The following PDE1A variants were observed in gnomAD, a reference collection of about 807,000 sequenced individuals.
The protein encoded by PDE1A is phosphodiesterase 1A, also known as dual specificity calcium/calmodulin-dependent 3',5'-cyclic nucleotide phosphodiesterase 1A.
In PDE1A, 35 loss-of-function variants were observed where a neutral mutation model predicts 61.7. The observed-to-expected ratio is 0.57, with a 90% CI of 0.43 to 0.75. PDE1A has a LOEUF of 0.75. PDE1A is among the 30% of genes least tolerant of loss of function. The pLI, the probability that PDE1A is intolerant of heterozygous loss-of-function variation, is 0.00. For missense variants in PDE1A, 597 were observed against 630.6 expected (o/e 0.95, Z 0.57); for synonymous variants, 232 against 213.2 (o/e 1.09, Z -0.77).
chr2:182,409,871 C>A (rs1395647680), intron 1 of PDE1A, among the ~76,000 whole-genome samples: 1 of 152,058 alleles, frequency 6.6e-6, no homozygotes, highest in East Asian at 1.9e-4. Flanking sequence ...ACATTTATAT[C>A]ACATAGTTTA....
chr2:182,184,609 A>G (rs1018771994), intron 13 of PDE1A, among the ~76,000 whole-genome samples: 1 of 152,194 alleles, frequency 6.6e-6, no homozygotes, highest in East Asian at 1.9e-4. Flanking sequence ...AAATGATACC[A>G]AATAGTAGCT....
At chr2:182,171,282 T>C (rs944899605) in intron 13 of PDE1A, among the ~76,000 whole-genome samples, 23 of 152,024 alleles carry the variant, frequency 1.5e-4, no homozygotes, top group African/African-American at 5.6e-4. Flanking sequence ...TTTATAGGAA[T>C]TCTAATGAAA....
At chr2:182,629,968 T>C in the PDE1A span, among the ~76,000 whole-genome samples, 4 of 152,184 alleles carry the variant, frequency 2.6e-5, no homozygotes, top group African/African-American at 7.2e-5. Context: ...GTTTAATTTG[T>C]ACTTGCCTGC....
At chr2:182,516,260 G>T (rs575902669) in intron 2 of PDE1A, among the ~76,000 whole-genome samples, 1 of 151,996 alleles carries the variant, frequency 6.6e-6, no homozygotes, top group East Asian at 1.9e-4. Context: ...CCCTTGGCTC[G>T]TGGCCCACTT....
At chr2:182,627,056 AT>A in the PDE1A span, among the ~76,000 whole-genome samples, 1 of 6,424 alleles carries the variant, frequency 1.6e-4, no homozygotes, top group Non-Finnish European at 3.0e-4. Context: ...TATATATAAA[AT>A]ATAATATATT....
the PDE1A span, among the ~76,000 whole-genome samples, chr2:182,665,297 G>A: frequency 5.3e-5 from 8 of 152,172 alleles, no homozygotes; most frequent in East Asian, 1.3e-3. Context: ...GCAACCTACA[G>A]AATGGAAGAA....
intron 2 of PDE1A, among the ~76,000 whole-genome samples, chr2:182,479,059 AGTTAG>A (rs771826372): frequency 5.3e-5 from 8 of 151,892 alleles, no homozygotes; most frequent in African/African-American, 9.7e-5. Context: ...AATCCTGTTT[AGTTAG>A]AAGTGAGGAA....
At chr2:182,527,387 T>C (rs868361367), upstream of PDE1A, among the ~76,000 whole-genome samples, 7 of 98,962 alleles carry the variant, frequency 7.1e-5, no homozygotes, top group East Asian at 3.2e-4. Flanking sequence ...CATATATATA[T>C]ACACACATAT....
In PDE1A at chr2:182,450,859, G is replaced by A. The variant is rs190829953; in HGVS notation, c.101+71417C>T. 8.8e-3 allele frequency among the ~76,000 whole-genome samples: 1,330 copies of A among 151,530 alleles called. 14 individuals carry two copies. Among genetic ancestry groups the A allele is most frequent in the Non-Finnish European group, 0.015 (990 of 67,860 alleles). ...TAAAGGGAAAAAAGCAGCTATTTAC[G>A]GCTGGCACTGTTTGTTGTATCGGTT... On this transcript the variant is annotated intron_variant, in intron 2 of 14. Coordinates refer to the PDE1A transcript ENST00000410103.
chr2:182,529,372 C>A, the PDE1A span, among the ~76,000 whole-genome samples: 7 of 152,192 alleles, frequency 4.6e-5, no homozygotes, highest in Non-Finnish European at 1.0e-4. Flanking sequence ...TGGCCAATTT[C>A]TCCCATTTGG....
At chr2:182,199,958 A>G (rs1686478543) in intron 10 of PDE1A, among the ~76,000 whole-genome samples, 2 of 152,102 alleles carry the variant, frequency 1.3e-5, no homozygotes, top group Non-Finnish European at 2.9e-5. Context: ...ACAAACTTTC[A>G]AAATACCACA....
chr2:182,197,958 TG>T (rs1686274538), intron 10 of PDE1A, among the ~76,000 whole-genome samples: 2 of 151,980 alleles, frequency 1.3e-5, no homozygotes, highest in Non-Finnish European at 2.9e-5. Flanking sequence ...TTACAATTTC[TG>T]ATAAAGATTA....
chr2:182,162,437 A>G (rs548278046), intron 13 of PDE1A, among the ~76,000 whole-genome samples: 4 of 152,264 alleles, frequency 2.6e-5, no homozygotes, highest in South Asian at 4.1e-4. Flanking sequence ...TAGAAGCACA[A>G]AATTTCTGGG....
At chr2:182,597,298 T>C in the PDE1A span, among the ~76,000 whole-genome samples, 199 of 152,134 alleles carry the variant, frequency 1.3e-3, no homozygotes, top group Middle Eastern at 0.014. Context: ...ATGGAGACAA[T>C]GGAATGTACC....
chr2:182,279,412 G>A lies in PDE1A; in HGVS notation c.54-14998C>T, dbSNP rs140936709. ...CAAAACAGAATGGCTTTGGTTACTGGTAAGAGCAACCTTCCTTGTAGAATA... is the reference window on the plus strand; with the variant it reads ...CAAAACAGAATGGCTTTGGTTACTGATAAGAGCAACCTTCCTTGTAGAATA... On this transcript the variant is annotated intron_variant, in intron 1 of 13. Transcript: ENST00000351439. 5.7e-3 allele frequency among the ~76,000 whole-genome samples: 813 copies of A among 143,554 alleles called. 6 individuals carry two copies. Among genetic ancestry groups the A allele is most frequent in the South Asian group, 0.052 (230 of 4,392 alleles). 94.2% of individuals were successfully genotyped at this position (143,554 alleles called of 152,430 possible). A position where few individuals can be genotyped will look rare whatever the true frequency, so the allele number is the denominator to read the frequency against.
At chr2:182,282,772 T>C (rs1358270090) in intron 1 of PDE1A, among the ~76,000 whole-genome samples, 1 of 152,058 alleles carries the variant, frequency 6.6e-6, no homozygotes, top group East Asian at 1.9e-4. Flanking sequence ...GCATGTTTTG[T>C]GTCTTAATAA....
chr2:182,582,026 A>G, the PDE1A span, among the ~76,000 whole-genome samples: 1 of 152,218 alleles, frequency 6.6e-6, no homozygotes. Flanking sequence ...AAAGCATGCA[A>G]TTTCATGTAG....
intron 13 of PDE1A, among the ~76,000 whole-genome samples, chr2:182,148,250 A>G (rs1347509176): frequency 1.3e-5 from 2 of 152,196 alleles, no homozygotes; most frequent in Admixed American, 6.5e-5. Flanking sequence ...TGTTTGTTAC[A>G]GAACCCAGAA....
chr2:182,626,748 C>T, the PDE1A span, among the ~76,000 whole-genome samples: 326 of 16,434 alleles, frequency 0.02, 39 homozygotes, highest in East Asian at 0.063. Context: ...CATATATATA[C>T]ATATATATAT....
Sources: gnomAD v4.1 joint callset for allele counts (sites outside exome capture counted in the v4.1 genomes callset) on GRCh38, gnomAD v4.1.1 for gene constraint, MANE v1.5 for transcripts, NCBI Gene and HGNC (gene_info 2026-07-23, HGNC 2026-07-21) for gene names.